SS18: variants seen among roughly 807,000 people sequenced by gnomAD.
The protein encoded by SS18 is SS18 subunit of BAF chromatin remodeling complex, also known as protein SSXT.
In SS18, 28 loss-of-function variants were observed where a neutral mutation model predicts 72.5. The observed-to-expected ratio is 0.39, with a 90% CI of 0.29 to 0.53. The LOEUF is 0.53. Among genes scored for constraint, SS18 ranks in the 20% least tolerant of loss-of-function variants. The pLI, the probability that SS18 is intolerant of heterozygous loss-of-function variation, is 0.76. For missense variants in SS18, 518 were observed against 535.3 expected (o/e 0.97, Z 0.32); for synonymous variants, 172 against 164.2 (o/e 1.05, Z -0.37).
chr18:26,083,882 T>C (rs2054572562), intron 2 of SS18, among the ~76,000 whole-genome samples: 1 of 152,132 alleles, frequency 6.6e-6, no homozygotes, highest in African/African-American at 2.4e-5. Flanking sequence ...CATTCTCAAA[T>C]ATATGCACAA....
intron 2 of SS18, among the ~76,000 whole-genome samples, chr18:26,083,118 G>T (rs535489359): frequency 6.6e-6 from 1 of 152,112 alleles, no homozygotes; most frequent in South Asian, 2.1e-4. Context: ...AAGAACAAAA[G>T]AATAAAATTA....
chr18:26,047,334 T>A (rs1293184471), intron 5 of SS18, among the ~76,000 whole-genome samples: 2 of 145,468 alleles, frequency 1.4e-5, no homozygotes, highest in African/African-American at 5.1e-5. Context: ...TGAAATCAAA[T>A]CAGTTTCTTT....
At position 26,057,633 on chromosome 18, in the gene SS18, G is replaced by A. The variant is rs755884213; in HGVS notation, c.341C>T (p.Pro114Leu). ...MPSDGMVGGG[P>L]PAPHMQNQMN... ...CTGGTTCTGCATGTGCGGTGCAGGA[G>A]GACCCCCACCTACCATTCCATCTGA... Residue 114 changes from proline to leucine, a missense_variant, in exon 4 of 11, where the codon CCT (proline) becomes CTT (leucine). Pro to Leu is a moderately conservative substitution (Grantham distance 98). Coordinates refer to ENST00000415083, the MANE Select transcript of SS18 (RefSeq NM_001007559.3). 15 of 1,613,994 alleles carry A rather than the reference G, an allele frequency of 9.3e-6. No homozygotes were observed. The highest frequency in any genetic ancestry group is 1.3e-5 in the Non-Finnish European group (15 of 1,180,026).
intron 10 of SS18, among the ~76,000 whole-genome samples, chr18:26,023,995 G>A (rs1470439256): frequency 1.3e-5 from 2 of 152,002 alleles, no homozygotes; most frequent in African/African-American, 4.8e-5. Context: ...CTTACACTAT[G>A]TATAGGCATA....
intron 10 of SS18, among the ~76,000 whole-genome samples, chr18:26,027,096 T>C (rs558599153): frequency 6.6e-6 from 1 of 152,344 alleles, no homozygotes; most frequent in Admixed American, 6.5e-5. Context: ...AAGCTGATTC[T>C]AAAATTTATA....
intron 2 of SS18, among the ~76,000 whole-genome samples, chr18:26,080,689 A>G (rs1168246128): frequency 1.3e-5 from 2 of 152,210 alleles, no homozygotes; most frequent in Non-Finnish European, 2.9e-5. Context: ...AACTTACAGA[A>G]AAGTTTCAAT....
chr18:26,054,991 A>T (rs140196880), intron 4 of SS18, among the ~76,000 whole-genome samples: 2,412 of 151,966 alleles, frequency 0.016, 23 homozygotes, highest in Non-Finnish European at 0.026. Flanking sequence ...CACCCACCTC[A>T]GCCTCCCAAA....
At chr18:26,023,908 G>A (rs2053398629) in intron 10 of SS18, among the ~76,000 whole-genome samples, 1 of 149,790 alleles carries the variant, frequency 6.7e-6, no homozygotes, top group African/African-American at 2.5e-5. Flanking sequence ...TCAATACACT[G>A]TGGGGTTTAT....
At chr18:26,027,597 G>A (rs112190456) in intron 10 of SS18, among the ~76,000 whole-genome samples, 2,056 of 144,472 alleles carry the variant, frequency 0.014, 35 homozygotes, top group African/African-American at 0.049. Context: ...GCTTGAACCC[G>A]GAAGGCGGTG....
At chr18:26,024,329 G>T (rs1408965781) in intron 10 of SS18, among the ~76,000 whole-genome samples, 1 of 150,122 alleles carries the variant, frequency 6.7e-6, no homozygotes, top group Non-Finnish European at 1.5e-5. Context: ...GGTGATGGCT[G>T]CACTTTTTTG....
rs1407294136 is a variant in SS18 at position 26,039,443 on chromosome 18, A to C, written c.621T>G (p.His207Gln). The C allele has an allele frequency of 6.2e-7, 1 of 1,613,410 alleles. No homozygotes were observed. Among genetic ancestry groups the C allele is most frequent in the Admixed American group, 1.7e-5 (1 of 59,988 alleles). The change falls in exon 6 of 11, where the codon CAT (histidine) becomes CAG (glutamine). Residue 207 changes from histidine (H) to glutamine (Q), a missense_variant. Transcript: ENST00000415083. ...SMQPNQGPMM[H>Q]QQPPSQQYNM... ...TGTATTGCTGAGAAGGAGGCTGCTG[A>C]TGCATCATTGGACCTGAAACAAGAC... is the stretch of plus-strand genomic sequence containing the variant.
chr18:26,060,796 A>AAAAAAAAAAAAAAC (rs2054107840), intron 3 of SS18, among the ~76,000 whole-genome samples: 1 of 136,146 alleles, frequency 7.3e-6, no homozygotes, highest in African/African-American at 2.8e-5. Context: ...AAAAAAAAAA[A>AAAAAAAAAAAAAAC]AAAAAAAAAA....
intron 7 of SS18, among the ~76,000 whole-genome samples, chr18:26,036,592 G>C (rs148954474): frequency 6.6e-6 from 1 of 151,768 alleles, no homozygotes; most frequent in Non-Finnish European, 1.5e-5. Context: ...TTTTACCTGC[G>C]AGATAATTGG....
chr18:26,027,604 G>C (rs558869789), intron 10 of SS18, among the ~76,000 whole-genome samples: 2 of 149,830 alleles, frequency 1.3e-5, no homozygotes, highest in Non-Finnish European at 3.0e-5. Context: ...CCCGGAAGGC[G>C]GTGGTTGCAG....
intron 5 of SS18, among the ~76,000 whole-genome samples, chr18:26,047,650 G>T (rs961816825): frequency 2.0e-5 from 3 of 151,894 alleles, no homozygotes. Flanking sequence ...GACCATCCTG[G>T]CTAACACGGT....
intron 2 of SS18, chr18:26,078,887 A>C (rs185865216): frequency 6.6e-6 from 1 of 152,514 alleles, no homozygotes; most frequent in Non-Finnish European, 1.5e-5. Context: ...ACTCCATCTC[A>C]AAAAGAAAAA....
At chr18:26,047,277 A>AG (rs1221796700) in intron 5 of SS18, among the ~76,000 whole-genome samples, 13 of 149,522 alleles carry the variant, frequency 8.7e-5, no homozygotes, top group South Asian at 2.1e-4. Context: ...AAAAAAAAAA[A>AG]AAAAAGAAGA....
chr18:26,037,506 AAAAAC>A (rs1263714630), intron 7 of SS18, among the ~76,000 whole-genome samples: 3 of 152,162 alleles, frequency 2.0e-5, no homozygotes, highest in South Asian at 4.1e-4. Context: ...TATGAAAAGA[AAAAAC>A]AAAACAAAAA....
chr18:26,091,087 C>T (rs1047408853), upstream of SS18: 6 of 154,790 alleles, frequency 3.9e-5, no homozygotes, highest in Admixed American at 1.3e-4. Flanking sequence ...CAACTTCATC[C>T]TTACTTACGC....
Sources: gnomAD v4.1 joint callset for allele counts (sites outside exome capture counted in the v4.1 genomes callset) on GRCh38, gnomAD v4.1.1 for gene constraint, MANE v1.5 for transcripts, NCBI Gene and HGNC (gene_info 2026-07-23, HGNC 2026-07-21) for gene names.